Variants in WDFY2 observed in about 807,000 individuals in gnomAD.
WDFY2 encodes WD repeat and FYVE domain containing 2.
A neutral mutation model predicts 56.4 loss-of-function variants in WDFY2; 36 were observed. The observed-to-expected ratio is 0.64, with a 90% confidence interval of 0.49 to 0.84. The LOEUF is 0.84. WDFY2 is among the 40% of genes least tolerant of loss of function. The probability of loss-of-function intolerance (pLI) is 0.00; values close to 1 mark genes in which losing one functional copy is unlikely to be tolerated. For synonymous variants in WDFY2, 176 were observed against 183.7 expected, an observed-to-expected ratio of 0.96 and a Z score of 0.34; for missense variants, 444 against 512.2, an observed-to-expected ratio of 0.87 and a Z score of 1.29.
chr13:51,722,026 T>G (rs1164910199), intron 5 of WDFY2, among the ~76,000 whole-genome samples: 4 of 128,992 alleles, frequency 3.1e-5, no homozygotes, highest in Non-Finnish European at 4.7e-5. Flanking sequence ...CCTCCACACT[T>G]ACAGGGGTTT....
At chr13:51,674,572 CT>C (rs1955856311) in intron 2 of WDFY2, among the ~76,000 whole-genome samples, 1 of 152,050 alleles carries the variant, frequency 6.6e-6, no homozygotes, top group East Asian at 1.9e-4. Context: ...TGAGTTGGTT[CT>C]TTTTTAGATT....
chr13:51,696,372 A>G (rs1240849353), intron 3 of WDFY2, among the ~76,000 whole-genome samples: 2 of 152,236 alleles, frequency 1.3e-5, no homozygotes, highest in East Asian at 3.8e-4. Context: ...TGCTATTAAA[A>G]AGATTATTTA....
chr13:51,735,060 A>G (rs1308291208), intron 6 of WDFY2, among the ~76,000 whole-genome samples: 1 of 152,246 alleles, frequency 6.6e-6, no homozygotes, highest in Non-Finnish European at 1.5e-5. Flanking sequence ...TATACAGTTC[A>G]TCAGGAAGCC....
chr13:51,682,194 A>G (rs1214243204), intron 3 of WDFY2, among the ~76,000 whole-genome samples: 10 of 152,218 alleles, frequency 6.6e-5, no homozygotes, highest in African/African-American at 2.4e-4. Flanking sequence ...CACTATCTAC[A>G]GGAGTTACCT....
At chr13:51,729,919 A>G (rs1952686756) in intron 6 of WDFY2, among the ~76,000 whole-genome samples, 1 of 152,140 alleles carries the variant, frequency 6.6e-6, no homozygotes, top group South Asian at 2.1e-4. Flanking sequence ...ATCACCATCC[A>G]TCACAGAACC....
intron 3 of WDFY2, among the ~76,000 whole-genome samples, chr13:51,689,163 G>A (rs1956107623): frequency 6.6e-6 from 1 of 152,096 alleles, no homozygotes; most frequent in Non-Finnish European, 1.5e-5. Flanking sequence ...CATCCTCTTG[G>A]GAGGGATATT....
intron 6 of WDFY2, 89 bp from the exon 7 acceptor site, chr13:51,738,959 CA>C (rs1232243788): frequency 5.2e-6 from 7 of 1,335,912 alleles, no homozygotes; most frequent in African/African-American, 1.5e-5. Flanking sequence ...CCAGGAACTG[CA>C]CTAGGTTCTG....
At chr13:51,624,973 T>C (rs1405255783) in intron 1 of WDFY2, among the ~76,000 whole-genome samples, 2 of 152,248 alleles carry the variant, frequency 1.3e-5, no homozygotes, top group East Asian at 1.9e-4. Flanking sequence ...GGTGAAGATT[T>C]AGTCTTTTGC....
At chr13:51,624,573 T>C (rs1954805634) in intron 1 of WDFY2, among the ~76,000 whole-genome samples, 1 of 152,198 alleles carries the variant, frequency 6.6e-6, no homozygotes, top group Non-Finnish European at 1.5e-5. Flanking sequence ...GCTTATGTTC[T>C]TGGGGGGAAA....
At chr13:51,731,931 C>G (rs562851034) in intron 6 of WDFY2, among the ~76,000 whole-genome samples, 2 of 152,132 alleles carry the variant, frequency 1.3e-5, no homozygotes, top group African/African-American at 2.4e-5. Flanking sequence ...GGGAATCGAC[C>G]TAGTAGTCAT....
chr13:51,586,853 A>C (rs1442434006), intron 1 of WDFY2: 1 of 152,098 alleles, frequency 6.6e-6, no homozygotes, highest in African/African-American at 2.4e-5. Flanking sequence ...CTTTTTTTCA[A>C]GTTGACAAGT....
intron 3 of WDFY2, among the ~76,000 whole-genome samples, chr13:51,689,960 G>C (rs1956123574): frequency 6.6e-6 from 1 of 152,040 alleles, no homozygotes; most frequent in African/African-American, 2.4e-5. Flanking sequence ...TAAGAAATGT[G>C]CAAATTGTAT....
At chr13:51,753,402 C>T (rs1453717038) in intron 8 of WDFY2, among the ~76,000 whole-genome samples, 1 of 152,148 alleles carries the variant, frequency 6.6e-6, no homozygotes, top group African/African-American at 2.4e-5. Context: ...TAATGAAATC[C>T]ATTTTTGTTT....
chr13:51,621,953 T>A (rs886608316), intron 1 of WDFY2, among the ~76,000 whole-genome samples: 3 of 152,320 alleles, frequency 2.0e-5, no homozygotes, highest in East Asian at 1.9e-4. Flanking sequence ...TTTTCTTAAA[T>A]TTTTTTAAGC....
chr13:51,706,475 A>G (rs1593434174), intron 4 of WDFY2, among the ~76,000 whole-genome samples: 1 of 152,194 alleles, frequency 6.6e-6, no homozygotes, highest in African/African-American at 2.4e-5. Flanking sequence ...TGAATCTCAT[A>G]AAGGACTGTA....
rs1953599483 is a variant in WDFY2, at chr13:51,762,010, G to A, written c.*2241G>A. 6.6e-6 allele frequency: 1 copy of A among 152,158 alleles called. No homozygotes were observed. The highest frequency in any genetic ancestry group is 6.5e-5 in the Admixed American group (1 of 15,282). The allele number at this position is 152,158 out of a possible 1,614,324, so 9.4% of individuals were successfully genotyped here. ...TGCTCTTTGAGAGAACTTTAACAAG[G>A]GAATTAAATTTAAAATATTCAAATA... On this transcript the variant is annotated 3_prime_UTR_variant, in exon 12 of 12. Coordinates refer to ENST00000298125, the MANE Select transcript of WDFY2 (RefSeq NM_052950.4).
At chr13:51,671,437 A>G (rs1955804986) in intron 2 of WDFY2, among the ~76,000 whole-genome samples, 1 of 152,062 alleles carries the variant, frequency 6.6e-6, no homozygotes, top group South Asian at 2.1e-4. Flanking sequence ...ACCGCATTGC[A>G]GTTTTGATTT....
intron 5 of WDFY2, among the ~76,000 whole-genome samples, chr13:51,721,413 C>T (rs1487876975): frequency 6.6e-6 from 1 of 152,136 alleles, no homozygotes; most frequent in Non-Finnish European, 1.5e-5. Flanking sequence ...AGGAAGCTAA[C>T]TTTTTAAACT....
intron 1 of WDFY2, among the ~76,000 whole-genome samples, chr13:51,619,633 A>G (rs1040040350): frequency 6.6e-6 from 1 of 152,240 alleles, no homozygotes; most frequent in African/African-American, 2.4e-5. Flanking sequence ...GGCAAAGAAA[A>G]TAAGTCCTGT....
Sources: allele counts gnomAD v4.1 joint callset (sites outside exome capture counted in the v4.1 genomes callset), GRCh38; gene constraint gnomAD v4.1.1; transcripts MANE v1.5; gene names NCBI Gene and HGNC (gene_info 2026-07-23, HGNC 2026-07-21).